SEC14L6: variants seen among roughly 807,000 people sequenced by gnomAD.
The protein encoded by SEC14L6 is SEC14-like protein 6.
A neutral mutation model predicts 54.1 loss-of-function variants in SEC14L6; 40 were observed. The observed-to-expected ratio is 0.74, with a 90% CI of 0.57 to 0.96. The LOEUF (loss-of-function observed/expected upper bound fraction) is 0.96. SEC14L6 is among the 40% of genes least tolerant of loss of function. The pLI is 0.00. For synonymous variants in SEC14L6, 171 were observed against 198.4 expected (o/e 0.86, Z 1.16); for missense variants, 471 against 498.3 (o/e 0.95, Z 0.52).
chr22:30,534,399 T>C (rs2412991), intron 2 of SEC14L6, among the ~76,000 whole-genome samples: 104,505 of 151,596 alleles, frequency 0.69, 36,279 homozygotes, highest in Middle Eastern at 0.74. Context: ...ACTCTTTAAT[T>C]TTTACTTAAA....
chr22:30,528,769 A>G (rs1277125896), intron 8 of SEC14L6, among the ~76,000 whole-genome samples: 2 of 152,150 alleles, frequency 1.3e-5, no homozygotes, highest in African/African-American at 4.8e-5. Flanking sequence ...GAGGAAACCA[A>G]GACCAAGACA....
intron 1 of SEC14L6, chr22:30,543,368 A>G (rs964385478): frequency 5.7e-6 from 9 of 1,576,506 alleles, no homozygotes; most frequent in Non-Finnish European, 7.9e-6. Flanking sequence ...AGGGCAGAGA[A>G]CCAGGTGAAT....
chr22:30,536,956 G>A (rs868136055), intron 2 of SEC14L6, among the ~76,000 whole-genome samples: 14 of 149,346 alleles, frequency 9.4e-5, no homozygotes, highest in African/African-American at 3.2e-4. Flanking sequence ...CCCAGGAGGC[G>A]GAGGTTACAG....
chr22:30,542,339 G>A (rs925002292), intron 1 of SEC14L6, among the ~76,000 whole-genome samples: 2 of 151,956 alleles, frequency 1.3e-5, no homozygotes, highest in Non-Finnish European at 2.9e-5. Flanking sequence ...CTCCTTCGCC[G>A]CCTCCAGCCT....
chr22:30,532,324 T>C (rs959592146), intron 5 of SEC14L6: 60 of 971,696 alleles, frequency 6.2e-5, no homozygotes, highest in East Asian at 2.3e-4. Context: ...TTGGGGCCAA[T>C]TGGGGGAGAA....
chr22:30,544,478 A>G (rs1040643998), intron 1 of SEC14L6, among the ~76,000 whole-genome samples: 12 of 151,838 alleles, frequency 7.9e-5, no homozygotes, highest in Admixed American at 3.3e-4. Context: ...CCTGACCTCC[A>G]CCACCACCAC....
chr22:30,543,063 A>G lies in SEC14L6; in HGVS notation c.54+3566T>C, dbSNP rs140036462. The G allele has an allele frequency of 1.2e-3, 1,845 of 1,598,548 alleles. 5 individuals carry two copies. Among genetic ancestry groups the G allele is most frequent in the Middle Eastern group, 5.0e-3 (28 of 5,638 alleles). ...CAGCGAGGGCCACACCTGACCACAC[A>G]GTGAGCTTCACCTGCGAGTCTCATG... On this transcript the variant is annotated intron_variant, in intron 1 of 11. Coordinates refer to ENST00000402034, the MANE Select transcript of SEC14L6 (RefSeq NM_001193336.4).
In SEC14L6 at chr22:30,531,136, G is replaced by A. The variant is rs374888354; in HGVS notation, c.519+767C>T. Among the ~76,000 whole-genome samples, 19 of 152,232 alleles carry A rather than the reference G, an allele frequency of 1.2e-4. No individual in the cohort carries two copies. The East Asian group carries it at 2.1e-3, about 17-fold the overall frequency. On this transcript the variant is annotated intron_variant, in intron 6 of 11. Coordinates refer to ENST00000402034, the MANE Select transcript of SEC14L6 (RefSeq NM_001193336.4). ...AAGTAAGGAACTGTAGGCCAGGTGC[G>A]GCGGTTCACACCTATAATCCCAGCA...
rs1049109967 is a variant in SEC14L6 at position 30,531,724 on chromosome 22, CA to C, written c.519+178del. 1.2e-3 allele frequency among the ~76,000 whole-genome samples: 184 copies of C among 151,308 alleles called. 1 individual carries two copies. Among genetic ancestry groups the C allele is most frequent in the African/African-American group, 4.3e-3 (178 of 41,318 alleles). ...GGGCAACAAGAGCGAAACTCCATTTCAAAAAAAAAGTAAGAGCTGCAAACAT... is the reference window on the plus strand; with the variant it reads ...GGGCAACAAGAGCGAAACTCCATTTCAAAAAAAAGTAAGAGCTGCAAACAT... On this transcript the variant is annotated intron_variant, in intron 6 of 11. Coordinates refer to ENST00000402034, the MANE Select transcript of SEC14L6 (RefSeq NM_001193336.4).
In SEC14L6 at chr22:30,531,885, C is replaced by A. The variant is rs1448830178; in HGVS notation, c.519+18G>T. The A allele has an allele frequency of 6.5e-7, 1 of 1,541,334 alleles. No homozygotes were observed. The highest frequency in any genetic ancestry group is 2.0e-5 in the Admixed American group (1 of 50,956). ...GGCATTTGACCACCCACCCATGCCC[C>A]TGGCGGGGTCACCTCACCTCCTGGA... On this transcript the variant is annotated intron_variant, in intron 6 of 11. Transcript: ENST00000402034.
chr22:30,546,566 C>G lies in SEC14L6; in HGVS notation c.54+63G>C. 7.5e-6 allele frequency: 11 copies of G among 1,457,142 alleles called. No individual in the cohort carries two copies. The South Asian group carries it at 1.3e-4, about 18-fold the overall frequency. 90.3% of individuals were successfully genotyped at this position (1,457,142 alleles called of 1,614,324 possible). A position where few individuals can be genotyped will look rare whatever the true frequency, so the allele number is the denominator to read the frequency against. ...AGAAGAAACTCAGGGACCTTGAGTC[C>G]TGCCCTTCCCCGTGGCAGAAGGAGA... On this transcript the variant is annotated intron_variant, in intron 1 of 11. Transcript: ENST00000402034.
chr22:30,533,908 T>C (rs1937063450), intron 3 of SEC14L6, 88 bp downstream of exon 3: 1 of 1,224,172 alleles, frequency 8.2e-7, no homozygotes, highest in South Asian at 1.4e-5. Context: ...AATGAATGAA[T>C]GGATGGATGA....
chr22:30,525,226 A>G, intron 11 of SEC14L6, 117 bp from the exon 12 acceptor site: 1 of 1,351,302 alleles, frequency 7.4e-7, no homozygotes, highest in Non-Finnish European at 1.0e-6. Context: ...TTGAGAGCCC[A>G]GAGCCAGCCT....
rs1486020882 is a variant in SEC14L6 at position 30,524,833 on chromosome 22, C to T, written c.*164G>A. ...CATCGGGCCACCACTAGGACACTGT[C>T]CCAGCCGTTCCTGAGGAGTGGGCCA... On this transcript the variant is annotated 3_prime_UTR_variant, in exon 12 of 12. Transcript: ENST00000402034. The T allele has an allele frequency of 1.2e-5, 7 of 600,918 alleles. No homozygotes were observed. The highest frequency in any genetic ancestry group is 2.1e-5 in the Non-Finnish European group (7 of 329,640). 37.2% of individuals were successfully genotyped at this position (600,918 alleles called of 1,614,324 possible).
intron 2 of SEC14L6, among the ~76,000 whole-genome samples, chr22:30,538,469 TTG>T (rs1179730680): frequency 6.6e-6 from 1 of 152,166 alleles, no homozygotes; most frequent in Non-Finnish European, 1.5e-5. Context: ...AACTGCCATG[TTG>T]TGAGGATGCT....
chr22:30,535,705 G>A (rs1271454792), intron 2 of SEC14L6, among the ~76,000 whole-genome samples: 1 of 152,018 alleles, frequency 6.6e-6, no homozygotes, highest in Non-Finnish European at 1.5e-5. Flanking sequence ...CTATGTCATA[G>A]CTTTTGTTTG....
At chr22:30,542,606 G>A in intron 1 of SEC14L6, 6 of 1,518,574 alleles carry the variant, frequency 4.0e-6, no homozygotes, top group East Asian at 2.5e-5. Context: ...GGCCGCCTCG[G>A]GCCGCTGCTC....
Position 30,525,875 on chromosome 22 carries a change from A to T in SEC14L6, c.722T>A (p.Phe241Tyr). ...FISPDQLPVE[F>Y]GGTMTDPDGN... Reference sequence around the variant, plus strand: ...ATCGGGGTCAGTCATGGTCCCCCCAAACTCCACGGGCAGCTGGTCGGGGCT... The same window carrying T: ...ATCGGGGTCAGTCATGGTCCCCCCATACTCCACGGGCAGCTGGTCGGGGCT... Residue 241 changes from phenylalanine to tyrosine, a missense_variant, in exon 9 of 12, where the codon TTT (phenylalanine) becomes TAT (tyrosine). Transcript: ENST00000402034. 6.2e-7 allele frequency: 1 copy of T among 1,613,666 alleles called. No homozygotes were observed. Among genetic ancestry groups the T allele is most frequent in the South Asian group, 1.1e-5 (1 of 91,016 alleles).
chr22:30,533,220 G>A, intron 3 of SEC14L6: 2 of 912,656 alleles, frequency 2.2e-6, no homozygotes, highest in Non-Finnish European at 1.3e-6. Flanking sequence ...TACAAGGCCT[G>A]CAGAGCCTGG....
Sources: allele counts gnomAD v4.1 joint callset (sites outside exome capture counted in the v4.1 genomes callset), GRCh38; gene constraint gnomAD v4.1.1; transcripts MANE v1.5; gene names NCBI Gene and HGNC (gene_info 2026-07-23, HGNC 2026-07-21).